CCNY: variants seen among roughly 807,000 people sequenced by gnomAD.
CCNY encodes the protein cyclin-Y.
In CCNY, 19 loss-of-function variants were observed where a neutral mutation model predicts 42.8. The observed-to-expected ratio is 0.44, with a 90% CI of 0.31 to 0.65. The LOEUF is 0.65. Ranked by LOEUF, CCNY falls within the 30% of genes least tolerant of loss-of-function variation. The pLI is 0.07. For missense variants in CCNY, 370 were observed against 437.3 expected (o/e 0.85, Z 1.37); for synonymous variants, 165 against 162.7 (o/e 1.01, Z -0.11).
intron 1 of CCNY, among the ~76,000 whole-genome samples, chr10:35,365,226 T>C (rs1169877157): frequency 2.0e-5 from 3 of 152,188 alleles, no homozygotes; most frequent in African/African-American, 2.4e-5. Context: ...GGAGGACTTT[T>C]GAAATTGAAA....
intron 8 of CCNY, among the ~76,000 whole-genome samples, chr10:35,557,148 T>C (rs1002656934): frequency 1.3e-5 from 2 of 152,202 alleles, no homozygotes; most frequent in Non-Finnish European, 2.9e-5. Flanking sequence ...GTAAAGGATG[T>C]TATTTGCAAT....
intron 1 of CCNY, among the ~76,000 whole-genome samples, chr10:35,467,775 T>G (rs1416439808): frequency 6.6e-6 from 1 of 152,198 alleles, no homozygotes; most frequent in East Asian, 1.9e-4. Flanking sequence ...TTGCTGTAAG[T>G]TTTTGGCAGA....
At chr10:35,329,310 G>A (rs1213353820) in intron 3 of CCNY, among the ~76,000 whole-genome samples, 1 of 152,158 alleles carries the variant, frequency 6.6e-6, no homozygotes, top group Admixed American at 6.5e-5. Context: ...CCAGCACTTT[G>A]GGAGGCCCAG....
intron 1 of CCNY, among the ~76,000 whole-genome samples, chr10:35,481,759 A>G (rs1839674422): frequency 6.6e-6 from 1 of 152,232 alleles, no homozygotes; most frequent in Admixed American, 6.5e-5. Flanking sequence ...TTGATATGCA[A>G]AAGCCCTCAA....
intron 1 of CCNY, among the ~76,000 whole-genome samples, chr10:35,369,005 G>GC (rs1291584791): frequency 6.6e-6 from 1 of 152,232 alleles, no homozygotes; most frequent in Non-Finnish European, 1.5e-5. Context: ...ACAGGAAGGA[G>GC]CAGCAGTAAC....
intron 1 of CCNY, among the ~76,000 whole-genome samples, chr10:35,398,111 G>C (rs1837564133): frequency 1.3e-5 from 2 of 152,188 alleles, no homozygotes; most frequent in Non-Finnish European, 2.9e-5. Flanking sequence ...CGTGGAGGCT[G>C]AGAGCAAAGC....
intron 3 of CCNY, among the ~76,000 whole-genome samples, chr10:35,278,181 C>G (rs1458269094): frequency 6.6e-6 from 1 of 152,098 alleles, no homozygotes; most frequent in Admixed American, 6.6e-5. Flanking sequence ...GACCTTCCCC[C>G]CATCCTCATC....
At chr10:35,274,804 G>C (rs1236029065) in intron 3 of CCNY, among the ~76,000 whole-genome samples, 2 of 152,108 alleles carry the variant, frequency 1.3e-5, no homozygotes, top group African/African-American at 4.8e-5. Flanking sequence ...ACATTTGCCA[G>C]CTGGATGGTC....
intron 7 of CCNY, among the ~76,000 whole-genome samples, chr10:35,544,770 C>T (rs1841077580): frequency 6.6e-6 from 1 of 152,210 alleles, no homozygotes. Context: ...GCTAGGAGCC[C>T]TCCTGAAATG....
rs149584876 is a variant in CCNY at position 35,322,751 on chromosome 10, C to T, written c.-9+72125C>T. 8.6e-4 allele frequency among the ~76,000 whole-genome samples: 131 copies of T among 152,236 alleles called. 1 individual carries two copies. Among genetic ancestry groups the T allele is most frequent in the Admixed American group, 5.7e-3 (87 of 15,288 alleles). On this transcript the variant is annotated intron_variant, in intron 3 of 11. Coordinates refer to the CCNY transcript ENST00000374706. ...CACAAAAATATGTCAACATCATTAG[C>T]CATCAGGGAAATGCAAAGTAAAACC...
chr10:35,339,873 A>G (rs1232282074), intron 1 of CCNY, among the ~76,000 whole-genome samples: 1 of 152,210 alleles, frequency 6.6e-6, no homozygotes, highest in Non-Finnish European at 1.5e-5. Flanking sequence ...TGTTTTTGAA[A>G]TTGATATTGG....
At chr10:35,559,513 C>CA (rs1468088046) in intron 8 of CCNY, among the ~76,000 whole-genome samples, 2 of 152,074 alleles carry the variant, frequency 1.3e-5, no homozygotes, top group South Asian at 2.1e-4. Context: ...ATCCATATGG[C>CA]AAAAAAATGG....
At chr10:35,346,985 T>A (rs1337196150) in intron 1 of CCNY, among the ~76,000 whole-genome samples, 1 of 152,270 alleles carries the variant, frequency 6.6e-6, no homozygotes, top group Non-Finnish European at 1.5e-5. Flanking sequence ...TTTTTTAGTA[T>A]GGTTTAAAAA....
At chr10:35,494,230 T>A (rs1006938235) in intron 2 of CCNY, among the ~76,000 whole-genome samples, 1 of 46,286 alleles carries the variant, frequency 2.2e-5, no homozygotes, top group Non-Finnish European at 5.3e-5. Flanking sequence ...GACAGCATAG[T>A]GAGACCCCCC....
At position 35,285,485 on chromosome 10, in the gene CCNY, T is replaced by C. The variant is rs1401457413; in HGVS notation, c.-9+34859T>C. ...TGTCACCCAGACTGGAGTGTGGTGG[T>C]GCGATCACAGCTCACTGCAGCCTTG... On this transcript the variant is annotated intron_variant, in intron 3 of 11. Transcript: ENST00000374706. Among the ~76,000 whole-genome samples, 4 of 152,184 alleles carry C rather than the reference T, an allele frequency of 2.6e-5. No individual in the cohort carries two copies. The East Asian group carries it at 7.7e-4, about 29-fold the overall frequency.
At chr10:35,561,178 G>A (rs1589211086) in intron 8 of CCNY, among the ~76,000 whole-genome samples, 2 of 152,098 alleles carry the variant, frequency 1.3e-5, no homozygotes, top group African/African-American at 2.4e-5. Context: ...TTCTTGGCAC[G>A]CTGTGGAAGT....
Position 35,570,237 on chromosome 10 carries a change from AAAC to A in CCNY, c.*1070_*1072del, listed in dbSNP as rs1368041958. ...AAAAAATCTAAAAGAAAAAGAAAAA[AAAC>A]AAGGGTGGGTTGGGTATTCCAGTGG... On this transcript the variant is annotated 3_prime_UTR_variant, in exon 10 of 10. Coordinates refer to ENST00000374704, the MANE Select transcript of CCNY (RefSeq NM_145012.6). 1 of 152,582 alleles carries A rather than the reference AAAC, an allele frequency of 6.6e-6. No homozygotes were observed. Among genetic ancestry groups the A allele is most frequent in the Non-Finnish European group, 1.5e-5 (1 of 68,040 alleles). 9.5% of individuals were successfully genotyped at this position (152,582 alleles called of 1,614,324 possible). A position where few individuals can be genotyped will look rare whatever the true frequency, so the allele number is the denominator to read the frequency against.
At chr10:35,493,052 C>A (rs995843121) in intron 2 of CCNY, among the ~76,000 whole-genome samples, 1 of 152,062 alleles carries the variant, frequency 6.6e-6, no homozygotes, top group Non-Finnish European at 1.5e-5. Flanking sequence ...AAGTCAGAGG[C>A]GCTCTTTGGG....
chr10:35,298,264 A>G (rs1835494466), intron 3 of CCNY, among the ~76,000 whole-genome samples: 1 of 152,224 alleles, frequency 6.6e-6, no homozygotes, highest in Admixed American at 6.5e-5. Flanking sequence ...TTCAAGATAT[A>G]GAACATTTCC....
Sources: gnomAD v4.1 joint callset for allele counts (sites outside exome capture counted in the v4.1 genomes callset) on GRCh38, gnomAD v4.1.1 for gene constraint, MANE v1.5 for transcripts, NCBI Gene and HGNC (gene_info 2026-07-23, HGNC 2026-07-21) for gene names.